Variants in DCLK3 observed in about 807,000 individuals in gnomAD.
The protein encoded by DCLK3 is serine/threonine-protein kinase DCLK3.
A neutral mutation model predicts 46.4 loss-of-function variants in DCLK3; 30 were observed. The observed-to-expected ratio is 0.65, with a 90% CI of 0.48 to 0.88. The LOEUF (loss-of-function observed/expected upper bound fraction) is 0.88. DCLK3 is among the 40% of genes least tolerant of loss of function. The probability of loss-of-function intolerance (pLI) is 0.00; values close to 1 mark genes in which losing one functional copy is unlikely to be tolerated. For missense variants in DCLK3, 846 were observed against 907.1 expected (o/e 0.93, Z 0.87); for synonymous variants, 401 against 339.2 (o/e 1.18, Z -2.00).
chr3:36,755,645 G>T (rs907014639), intron 1 of DCLK3, among the ~76,000 whole-genome samples: 3 of 152,106 alleles, frequency 2.0e-5, no homozygotes, highest in African/African-American at 7.2e-5. Flanking sequence ...AGCATTAAAG[G>T]AGGTCATGGG....
At chr3:36,750,700 A>G (rs1701433063) in intron 1 of DCLK3, among the ~76,000 whole-genome samples, 2 of 152,246 alleles carry the variant, frequency 1.3e-5, no homozygotes, top group Non-Finnish European at 1.5e-5. Context: ...AGTTTCCGCA[A>G]CTGTAAGATA....
At chr3:36,757,246 G>A (rs936343850) in intron 1 of DCLK3, among the ~76,000 whole-genome samples, 1 of 152,086 alleles carries the variant, frequency 6.6e-6, no homozygotes, top group Non-Finnish European at 1.5e-5. Flanking sequence ...TCCCCAAAGT[G>A]CAGTGTTTCC....
In DCLK3 at chr3:36,738,105, C is replaced by T. The variant is rs1375038691; in HGVS notation, c.1062G>A (p.Arg354=). 6.2e-7 allele frequency: 1 copy of T among 1,613,784 alleles called. No homozygotes were observed. Among genetic ancestry groups the T allele is most frequent in the African/African-American group, 1.3e-5 (1 of 75,024 alleles). Residue 354 remains arginine (R), a synonymous_variant, in exon 2 of 5, where the codon AGG becomes AGA. Transcript: ENST00000636136. ...EKLVRTRSCR[R]SPEANPASGE... ...CACTTGCAGGATTTGCCTCGGGAGA[C>T]CTCCTGCAGCTTCTGGTCCTCACCA... is the stretch of plus-strand genomic sequence containing the variant.
At chr3:36,748,678 G>T (rs1236725418) in intron 1 of DCLK3, among the ~76,000 whole-genome samples, 1 of 152,094 alleles carries the variant, frequency 6.6e-6, no homozygotes, top group Non-Finnish European at 1.5e-5. Context: ...TTTGCTCCCA[G>T]GGTCCGTGAG....
intron 1 of DCLK3, among the ~76,000 whole-genome samples, chr3:36,748,431 G>A (rs1297248007): frequency 1.3e-5 from 2 of 152,184 alleles, no homozygotes; most frequent in Admixed American, 1.3e-4. Flanking sequence ...AGTGAGAGGA[G>A]GACCAGCCAC....
At chr3:36,754,903 A>G (rs968139705) in intron 1 of DCLK3, among the ~76,000 whole-genome samples, 3 of 151,034 alleles carry the variant, frequency 2.0e-5, no homozygotes, top group Non-Finnish European at 3.0e-5. Flanking sequence ...TTCCAAATAT[A>G]ATTAGAAAGT....
At chr3:36,721,336 G>C (rs899904266) in intron 3 of DCLK3, among the ~76,000 whole-genome samples, 191 bp downstream of exon 3, 1 of 151,824 alleles carries the variant, frequency 6.6e-6, no homozygotes, top group Non-Finnish European at 1.5e-5. Context: ...CTGTAACAAG[G>C]GCAGCCCTAA....
chr3:36,719,020 TG>T (rs1701024222), intron 3 of DCLK3, among the ~76,000 whole-genome samples: 1 of 152,212 alleles, frequency 6.6e-6, no homozygotes, highest in Admixed American at 6.5e-5. Context: ...TTTACAAAAA[TG>T]ATTTCTAATA....
At chr3:36,763,603 A>G (rs932940011) in intron 1 of DCLK3, among the ~76,000 whole-genome samples, 1 of 152,138 alleles carries the variant, frequency 6.6e-6, no homozygotes, top group African/African-American at 2.4e-5. Flanking sequence ...TGTCATTTAG[A>G]TGGGTCAGAG....
chr3:36,737,437 C>T lies in DCLK3; in HGVS notation c.1730G>A (p.Ser577Asn), dbSNP rs1233769216. The part of the protein sequence containing the change: ...MVDSEILIIQ[S>N]LSHPNIVKLH... ...TTTCACGATGTTGGGGTGAGAGAGG[C>T]TCTGGATGATCAAGATCTCACTGTC... The change falls in exon 2 of 5, where the codon AGC (serine) becomes AAC (asparagine). Residue 577 changes from serine to asparagine, a missense_variant. Physicochemically the swap from Ser to Asn is conservative, Grantham distance 46. Around this residue, in one of 3 missense-constraint regions of DCLK3, gnomAD observed 247 missense variants for 322.8 expected, o/e 0.77. Coordinates refer to ENST00000636136, the MANE Select transcript of DCLK3 (RefSeq NM_001394672.2). The surrounding 1 kb of genome is among the most constrained non-coding windows in gnomAD (Gnocchi z 4.4). 3 of 1,614,088 alleles carry T rather than the reference C, an allele frequency of 1.9e-6. No homozygotes were observed. The highest frequency in any genetic ancestry group is 1.7e-6 in the Non-Finnish European group (2 of 1,180,044).
At chr3:36,746,813 A>T (rs1701397472) in intron 1 of DCLK3, among the ~76,000 whole-genome samples, 1 of 152,124 alleles carries the variant, frequency 6.6e-6, no homozygotes, top group Non-Finnish European at 1.5e-5. Context: ...AGCTTCTCAA[A>T]TGTTCATGTG....
In DCLK3 at chr3:36,738,134, T is replaced by C. The variant is rs1701292731; in HGVS notation, c.1033A>G (p.Lys345Glu). 1 of 1,614,012 alleles carries C rather than the reference T, an allele frequency of 6.2e-7. No homozygotes were observed. Among genetic ancestry groups the C allele is most frequent in the Non-Finnish European group, 8.5e-7 (1 of 1,179,994 alleles). The change falls in exon 2 of 5, where the codon AAG (lysine) becomes GAG (glutamate). Residue 345 changes from lysine to glutamate, a missense_variant. Transcript: ENST00000636136. ...MGKGPMYDVE[K>E]LVRTRSCRRS... The stretch of plus-strand genomic sequence containing the variant: ...CTGCAGCTTCTGGTCCTCACCAGCT[T>C]CTCCACATCATACATTGGGCCCTTC...
At chr3:36,759,496 A>T (rs185643079) in intron 1 of DCLK3, among the ~76,000 whole-genome samples, 2,364 of 152,332 alleles carry the variant, frequency 0.016, 53 homozygotes, top group African/African-American at 0.053. Context: ...ATTGTGTGTG[A>T]GAAGTAACCT....
At chr3:36,719,980 G>C (rs1418292764) in intron 3 of DCLK3, among the ~76,000 whole-genome samples, 1 of 152,182 alleles carries the variant, frequency 6.6e-6, no homozygotes, top group Non-Finnish European at 1.5e-5. Flanking sequence ...GAGAATTTAA[G>C]CTCAACCTAC....
rs758826501 is a variant in DCLK3, at chr3:36,737,528, T to A, written c.1639A>T (p.Thr547Ser). Reference protein sequence around the residue: ...AVVKECRHRETRQAYAMKIID... With the variant: ...AVVKECRHRESRQAYAMKIID... Reference sequence around the variant, plus strand: ...ATCTTCATCGCATAGGCCTGCCTGGTCTCGCGGTGTCTGCACTCCTTCACG... The same window carrying A: ...ATCTTCATCGCATAGGCCTGCCTGGACTCGCGGTGTCTGCACTCCTTCACG... The change falls in exon 2 of 5, where the codon ACC becomes TCC. Residue 547 changes from threonine (T) to serine (S), a missense_variant. This residue lies in a region of DCLK3 where 247 missense variants were observed against 322.8 expected (regional missense o/e 0.77). Coordinates refer to ENST00000636136, the MANE Select transcript of DCLK3 (RefSeq NM_001394672.2). The surrounding 1 kb of genome is among the most constrained non-coding windows in gnomAD (Gnocchi z 4.4). The A allele has an allele frequency of 5.0e-6, 8 of 1,614,062 alleles. No individual in the cohort carries two copies. The highest frequency in any genetic ancestry group is 6.8e-6 in the Non-Finnish European group (8 of 1,180,030).
At chr3:36,717,787 C>T (rs1389128756) in intron 4 of DCLK3, among the ~76,000 whole-genome samples, 2 of 152,248 alleles carry the variant, frequency 1.3e-5, no homozygotes, top group South Asian at 4.1e-4. Context: ...AGGAAAAGTA[C>T]TTGGTGACTG....
Position 36,738,719 on chromosome 3 carries a change from T to C in DCLK3, c.448A>G (p.Lys150Glu), listed in dbSNP as rs1415951575. The C allele has an allele frequency of 4.5e-6, 6 of 1,320,150 alleles. No homozygotes were observed. Among genetic ancestry groups the C allele is most frequent in the Non-Finnish European group, 5.8e-6 (6 of 1,028,910 alleles). 81.8% of individuals were successfully genotyped at this position (1,320,150 alleles called of 1,614,324 possible). ...NDRVRKLFNL[K>E]GREIRSVSDF... ...GAGACGCTCCTGATTTCCCTGCCCT[T>C]GAGGTTAAACAGTTTCCTCACACGG... Residue 150 changes from lysine to glutamate, a missense_variant, in exon 2 of 5, where the codon AAG becomes GAG. Coordinates refer to ENST00000636136, the MANE Select transcript of DCLK3 (RefSeq NM_001394672.2).
chr3:36,716,549 T>C (rs1408457285), intron 4 of DCLK3, among the ~76,000 whole-genome samples: 2 of 152,232 alleles, frequency 1.3e-5, no homozygotes, highest in African/African-American at 4.8e-5. Flanking sequence ...CAGACTCTTG[T>C]GTACAAGTGT....
intron 1 of DCLK3, among the ~76,000 whole-genome samples, chr3:36,752,625 A>G (rs1056285442): frequency 7.2e-5 from 11 of 152,124 alleles, no homozygotes; most frequent in African/African-American, 2.7e-4. Context: ...CCTCATGAAC[A>G]TCCTTCCTGC....
Sources: allele counts gnomAD v4.1 joint callset (sites outside exome capture counted in the v4.1 genomes callset), GRCh38; gene constraint gnomAD v4.1.1; regional missense constraint gnomAD v4.1.1; non-coding constraint Gnocchi (gnomAD v3.1); transcripts MANE v1.5; gene names NCBI Gene and HGNC (gene_info 2026-07-23, HGNC 2026-07-21).